CSMD1: variants seen among roughly 807,000 people sequenced by gnomAD.
CSMD1 encodes the protein CUB and Sushi multiple domains 1.
In CSMD1, 213 loss-of-function variants were observed where a neutral mutation model predicts 417.5. The ratio of observed to expected loss-of-function variants is 0.51; its 90% CI spans 0.46 to 0.57. CSMD1 has a LOEUF of 0.57. Among genes scored for constraint, CSMD1 ranks in the 20% least tolerant of loss-of-function variants. CSMD1 has a pLI of 0.00. For missense variants in CSMD1, 6,923 were observed against 4,529.7 expected (o/e 1.53, Z -15.17); for synonymous variants, 2,862 against 1,736.8 (o/e 1.65, Z -16.11).
At chr8:4,752,590 A>C (rs1194533276) in intron 1 of CSMD1, among the ~76,000 whole-genome samples, 1 of 152,186 alleles carries the variant, frequency 6.6e-6, no homozygotes, top group Non-Finnish European at 1.5e-5. Context: ...TAAATGCATG[A>C]GTGAAATTCT....
chr8:4,184,306 G>A (rs1425676742), intron 3 of CSMD1, among the ~76,000 whole-genome samples: 7 of 152,106 alleles, frequency 4.6e-5, no homozygotes, highest in Non-Finnish European at 7.4e-5. Context: ...TAATGGCTGA[G>A]GCTAACTCTT....
chr8:4,246,160 C>A (rs1431326220), intron 3 of CSMD1, among the ~76,000 whole-genome samples: 1 of 152,050 alleles, frequency 6.6e-6, no homozygotes, highest in East Asian at 1.9e-4. Context: ...TTTTCCTGAT[C>A]CCCTCTTTCT....
chr8:4,196,150 G>C (rs1380289274), intron 3 of CSMD1, among the ~76,000 whole-genome samples: 1 of 152,156 alleles, frequency 6.6e-6, no homozygotes, highest in Non-Finnish European at 1.5e-5. Context: ...AGTGGAGCTT[G>C]CAGGGAGCCG....
intron 3 of CSMD1, among the ~76,000 whole-genome samples, chr8:4,273,077 G>A (rs962545076): frequency 7.8e-4 from 118 of 151,902 alleles, no homozygotes; most frequent in Non-Finnish European, 1.6e-3. Context: ...TGATTTTTGA[G>A]GAAGAAGTAT....
intron 5 of CSMD1, among the ~76,000 whole-genome samples, chr8:3,959,862 G>A (rs969720931): frequency 1.3e-5 from 2 of 152,328 alleles, no homozygotes; most frequent in African/African-American, 4.8e-5. Flanking sequence ...TATATTGTGA[G>A]GTATATAACG....
At chr8:4,198,571 A>G (rs1799472890) in intron 3 of CSMD1, among the ~76,000 whole-genome samples, 1 of 152,212 alleles carries the variant, frequency 6.6e-6, no homozygotes, top group Admixed American at 6.5e-5. Flanking sequence ...AACGTGCACA[A>G]GGAATTTTTC....
chr8:4,001,997 A>C lies in CSMD1; in HGVS notation c.611-3887T>G, dbSNP rs571947896. Among the ~76,000 whole-genome samples the C allele has an allele frequency of 2.0e-5, 3 of 152,348 alleles. No homozygotes were observed. In the South Asian group the frequency reaches 6.2e-4, roughly 32 times the overall value. On this transcript the variant is annotated intron_variant, in intron 4 of 69. Transcript: ENST00000635120. Reference sequence around the variant, plus strand: ...ATGAGTTACAGTTAGAATCAGGCCAAAATAATATATGCAAGATATATTAGA... The same window carrying C: ...ATGAGTTACAGTTAGAATCAGGCCACAATAATATATGCAAGATATATTAGA...
At chr8:4,021,476 G>A (rs933366937) in intron 4 of CSMD1, among the ~76,000 whole-genome samples, 5 of 152,168 alleles carry the variant, frequency 3.3e-5, no homozygotes, top group African/African-American at 1.2e-4. Flanking sequence ...TTAAGCGTGT[G>A]GCAGTTGAAT....
intron 3 of CSMD1, among the ~76,000 whole-genome samples, chr8:4,126,833 C>T (rs950220147): frequency 1.3e-5 from 2 of 152,190 alleles, no homozygotes; most frequent in South Asian, 2.1e-4. Flanking sequence ...ATGTCCAGGA[C>T]AAGTAAAGTG....
intron 17 of CSMD1, among the ~76,000 whole-genome samples, chr8:3,390,180 A>G (rs963533278): frequency 1.3e-5 from 2 of 151,478 alleles, no homozygotes; most frequent in African/African-American, 2.4e-5. Flanking sequence ...CCTGATGAAA[A>G]CCTGTCTCTG....
chr8:2,951,229 A>G lies in CSMD1; in HGVS notation c.10086T>C (p.Tyr3362=). 6.2e-7 allele frequency: 1 copy of G among 1,608,834 alleles called. No individual in the cohort carries two copies. The highest frequency in any genetic ancestry group is 8.5e-7 in the Non-Finnish European group (1 of 1,177,266). Residue 3362 remains tyrosine, a synonymous_variant, in exon 66 of 70, where the codon TAT becomes TAC. Transcript: ENST00000635120. ...FFVNSLWKGY[Y]EYLGKRQPAT... ...CGGGTTGTCTTTTCCCTAAATATTC[A>G]TAATACCCCTTCCACAGTGAATTGA... is the stretch of plus-strand genomic sequence containing the variant.
At chr8:3,426,034 C>T (rs1253192731) in intron 12 of CSMD1, among the ~76,000 whole-genome samples, 1 of 152,158 alleles carries the variant, frequency 6.6e-6, no homozygotes, top group Non-Finnish European at 1.5e-5. Flanking sequence ...TAAAAAAAAT[C>T]TGTGCCAATC....
intron 1 of CSMD1, among the ~76,000 whole-genome samples, chr8:4,671,017 G>C (rs867865263): frequency 6.6e-6 from 1 of 152,148 alleles, no homozygotes; most frequent in Non-Finnish European, 1.5e-5. Flanking sequence ...GCCTACATTG[G>C]CTGCTGTTTT....
intron 1 of CSMD1, among the ~76,000 whole-genome samples, chr8:4,811,197 G>A (rs1045624868): frequency 6.6e-6 from 1 of 152,016 alleles, no homozygotes; most frequent in Non-Finnish European, 1.5e-5. Context: ...CCTCATTTCT[G>A]GAAAATGGTG....
intron 12 of CSMD1, among the ~76,000 whole-genome samples, chr8:3,419,341 G>A (rs937192126): frequency 6.6e-6 from 1 of 152,118 alleles, no homozygotes; most frequent in South Asian, 2.1e-4. Flanking sequence ...TTTCCAAAAT[G>A]AATAATTGAA....
At chr8:4,744,648 A>C (rs1356612233) in intron 1 of CSMD1, among the ~76,000 whole-genome samples, 2 of 152,178 alleles carry the variant, frequency 1.3e-5, no homozygotes, top group Non-Finnish European at 2.9e-5. Flanking sequence ...TATTATTCTC[A>C]ATTTTGAAAA....
intron 5 of CSMD1, among the ~76,000 whole-genome samples, chr8:3,822,475 A>G (rs1187129835): frequency 6.6e-6 from 1 of 152,222 alleles, no homozygotes; most frequent in Non-Finnish European, 1.5e-5. Flanking sequence ...CCTAACTGTA[A>G]TTTCAGGATA....
intron 5 of CSMD1, among the ~76,000 whole-genome samples, chr8:3,901,465 C>G (rs1297675864): frequency 2.0e-5 from 3 of 152,094 alleles, no homozygotes; most frequent in African/African-American, 7.2e-5. Context: ...AATTATTTTC[C>G]ACTTGATAGA....
At chr8:3,187,195 T>C (rs1236473351) in intron 36 of CSMD1, among the ~76,000 whole-genome samples, 1 of 152,210 alleles carries the variant, frequency 6.6e-6, no homozygotes, top group Non-Finnish European at 1.5e-5. Flanking sequence ...GTTTGAGTCC[T>C]AATGCTATTA....
Sources: gnomAD v4.1 joint callset for allele counts (sites outside exome capture counted in the v4.1 genomes callset) on GRCh38, gnomAD v4.1.1 for gene constraint, MANE v1.5 for transcripts, NCBI Gene and HGNC (gene_info 2026-07-23, HGNC 2026-07-21) for gene names.